ITPR1: variants seen among roughly 807,000 people sequenced by gnomAD.
ITPR1 encodes inositol 1,4,5-trisphosphate receptor type 1, also known as inositol 1,4,5-trisphosphate-gated calcium channel ITPR1.
In ITPR1, 96 loss-of-function variants were observed where a neutral mutation model predicts 318.4. The observed-to-expected ratio is 0.30, with a 90% CI of 0.26 to 0.36. The LOEUF is 0.36. ITPR1 is among the 10% of genes least tolerant of loss of function. The pLI, the probability that ITPR1 is intolerant of heterozygous loss-of-function variation, is 1.00. For missense variants in ITPR1, 2,440 were observed against 3,460.2 expected (o/e 0.71, Z 7.40); for synonymous variants, 1,312 against 1,289.9 (o/e 1.02, Z -0.37).
At position 4,644,916 on chromosome 3, in the gene ITPR1, C is replaced by G. The variant is rs555318146; in HGVS notation, c.625-471C>G. ...TTGCCAAGAATTAAAGGAGATTGTG[C>G]GTGTTAGCACCTAAACCTAGTGCCT... is the stretch of plus-strand genomic sequence containing the variant. On this transcript the variant is annotated intron_variant, in intron 8 of 61. Transcript: ENST00000649015. Among the ~76,000 whole-genome samples, 10 of 152,218 alleles carry G rather than the reference C, an allele frequency of 6.6e-5. 1 individual carries two copies. The South Asian group carries it at 1.7e-3, about 25-fold the overall frequency.
chr3:4,626,208 G>A (rs965581667), intron 4 of ITPR1, among the ~76,000 whole-genome samples: 23 of 151,828 alleles, frequency 1.5e-4, no homozygotes, highest in Non-Finnish European at 1.3e-4. Context: ...GTGTGTGTGT[G>A]TATTTTTAAA....
chr3:4,591,327 A>C (rs1257452875), intron 4 of ITPR1, among the ~76,000 whole-genome samples: 2 of 152,198 alleles, frequency 1.3e-5, no homozygotes, highest in African/African-American at 2.4e-5. Flanking sequence ...TGGTTGAACT[A>C]ATTTACACTC....
chr3:4,655,448 G>T (rs1033615618), intron 12 of ITPR1, among the ~76,000 whole-genome samples: 1 of 152,152 alleles, frequency 6.6e-6, no homozygotes, highest in African/African-American at 2.4e-5. Flanking sequence ...ATGAGCTGCT[G>T]TGTGACCTTG....
At chr3:4,580,534 G>A (rs889023392) in intron 4 of ITPR1, among the ~76,000 whole-genome samples, 4 of 152,222 alleles carry the variant, frequency 2.6e-5, no homozygotes, top group Non-Finnish European at 4.4e-5. Context: ...AGGAGAACAA[G>A]TGATACGGGG....
chr3:4,741,960 G>A (rs896246496), intron 44 of ITPR1, among the ~76,000 whole-genome samples: 2 of 152,152 alleles, frequency 1.3e-5, no homozygotes, highest in African/African-American at 4.8e-5. Flanking sequence ...TGCACGTGGG[G>A]GTTCGAGAGC....
intron 12 of ITPR1, among the ~76,000 whole-genome samples, chr3:4,656,865 A>G (rs934628525): frequency 1.3e-5 from 2 of 152,228 alleles, no homozygotes; most frequent in African/African-American, 4.8e-5. Context: ...CAAGGATGTT[A>G]GACATGGAAA....
rs1194526765 is a variant in ITPR1, at chr3:4,775,394, C to T, written c.6132C>T (p.Thr2044=). 1.2e-6 allele frequency: 2 copies of T among 1,613,868 alleles called. No individual in the cohort carries two copies. The highest frequency in any genetic ancestry group is 1.1e-5 in the South Asian group (1 of 91,082). The change falls in exon 47 of 62, where the codon ACC becomes ACT. Residue 2044 remains threonine, a synonymous_variant. Coordinates refer to ENST00000649015, the MANE Select transcript of ITPR1 (RefSeq NM_001378452.1). ...AGAATGTAGCGCTTATCAACCAAACCCTGGAAAGTCTGACCGAATACTGTC... is the reference window on the plus strand; with the variant it reads ...AGAATGTAGCGCTTATCAACCAAACTCTGGAAAGTCTGACCGAATACTGTC... ...NEKNVALINQ[T]LESLTEYCQG...
At chr3:4,494,245 G>A (rs1181633165) in intron 1 of ITPR1, among the ~76,000 whole-genome samples, 186 bp from the exon 2 acceptor site, 1 of 152,256 alleles carries the variant, frequency 6.6e-6, no homozygotes, top group Non-Finnish European at 1.5e-5. Flanking sequence ...CTGGAAATAA[G>A]TAAGCGTAGT....
intron 4 of ITPR1, among the ~76,000 whole-genome samples, chr3:4,530,499 G>A (rs796589779): frequency 6.6e-6 from 1 of 152,208 alleles, no homozygotes; most frequent in African/African-American, 2.4e-5. Flanking sequence ...AAGCTTTCCT[G>A]TAGGCTGGGC....
intron 30 of ITPR1, among the ~76,000 whole-genome samples, chr3:4,685,721 A>G (rs183476452): frequency 6.6e-6 from 1 of 152,336 alleles, no homozygotes; most frequent in Non-Finnish European, 1.5e-5. Context: ...CTTTGCCTCT[A>G]ATTTTTCACA....
intron 60 of ITPR1, among the ~76,000 whole-genome samples, chr3:4,820,627 T>C (rs185617415): frequency 1.7e-4 from 26 of 152,350 alleles, no homozygotes; most frequent in African/African-American, 6.0e-4. Context: ...TTTGATTATA[T>C]GAGACATCTT....
intron 4 of ITPR1, among the ~76,000 whole-genome samples, chr3:4,619,698 C>T (rs1312929874): frequency 0.026 from 101 of 3,842 alleles, 28 homozygotes; most frequent in African/African-American, 0.11. Context: ...CTGCTCTCCC[C>T]TGCTCTCCTC....
chr3:4,794,737 G>T (rs1219234587), intron 52 of ITPR1, among the ~76,000 whole-genome samples: 4 of 152,174 alleles, frequency 2.6e-5, no homozygotes, highest in Non-Finnish European at 4.4e-5. Flanking sequence ...GACTCAATGT[G>T]TGAACTCTGG....
chr3:4,541,903 C>T (rs2084495463), intron 4 of ITPR1, among the ~76,000 whole-genome samples: 1 of 152,196 alleles, frequency 6.6e-6, no homozygotes. Context: ...GGATTATAGG[C>T]ATGAGCCACT....
intron 4 of ITPR1, among the ~76,000 whole-genome samples, chr3:4,551,436 G>C (rs2085554431): frequency 6.6e-6 from 1 of 152,190 alleles, no homozygotes; most frequent in Admixed American, 6.5e-5. Flanking sequence ...TCAGCATACA[G>C]GGTTTTTTAT....
chr3:4,727,617 C>T lies in ITPR1; in HGVS notation c.5220+444C>T, dbSNP rs574223708. ...TAGAGACAGATATTACTCTGTTGCT[C>T]AGGCTGGAATGTAGTGGTGCAATCT... On this transcript the variant is annotated intron_variant, in intron 42 of 61. Transcript: ENST00000649015. Among the ~76,000 whole-genome samples, 15 of 152,320 alleles carry T rather than the reference C, an allele frequency of 9.8e-5. No homozygotes were observed. In the South Asian group the frequency reaches 3.1e-3, roughly 32 times the overall value.
chr3:4,541,653 G>C (rs547284784), intron 4 of ITPR1, among the ~76,000 whole-genome samples: 14 of 151,490 alleles, frequency 9.2e-5, no homozygotes, highest in African/African-American at 3.4e-4. Context: ...TTGAGATGGA[G>C]TCTCACTCTG....
Position 4,815,088 on chromosome 3 carries a change from C to T in ITPR1, c.7737C>T (p.Leu2579=), listed in dbSNP as rs148734757. The change falls in exon 59 of 62, where the codon CTC becomes CTT. Residue 2579 remains leucine, a synonymous_variant. Transcript: ENST00000649015. The part of the protein sequence containing the change: ...PLFAARVIYD[L]LFFFMVIIIV... The stretch of plus-strand genomic sequence containing the variant: ...TTGCTGCTAGAGTTATTTATGACCT[C>T]TTGTTCTTCTTCATGGTCATCATCA... The T allele has an allele frequency of 1.6e-4, 258 of 1,613,802 alleles. 1 individual carries two copies. The East Asian group carries it at 4.7e-3, about 29-fold the overall frequency.
intron 2 of ITPR1, among the ~76,000 whole-genome samples, chr3:4,515,158 C>T (rs2124913860): frequency 6.6e-6 from 1 of 152,298 alleles, no homozygotes; most frequent in East Asian, 1.9e-4. Context: ...TTCCCTGCAG[C>T]TTCTCATAAG....
Sources: gnomAD v4.1 joint callset for allele counts (sites outside exome capture counted in the v4.1 genomes callset) on GRCh38, gnomAD v4.1.1 for gene constraint, MANE v1.5 for transcripts, NCBI Gene and HGNC (gene_info 2026-07-23, HGNC 2026-07-21) for gene names.